The following CUX1 variants were observed in gnomAD, a reference collection of about 807,000 sequenced individuals.
The protein encoded by CUX1 is protein CASP.
In CUX1, 31 loss-of-function variants were observed where a neutral mutation model predicts 158.8. That is an observed-to-expected ratio of 0.20 (90% CI 0.15 to 0.26). The LOEUF is 0.26. Among genes scored for constraint, CUX1 ranks in the 10% least tolerant of loss-of-function variants. The probability of loss-of-function intolerance (pLI) is 1.00; values close to 1 mark genes in which losing one functional copy is unlikely to be tolerated. For synonymous variants in CUX1, 879 were observed against 862.1 expected (o/e 1.02, Z -0.34); for missense variants, 1,589 against 2,014.6 (o/e 0.79, Z 4.04).
chr7:101,948,374 TCC>T lies in CUX1; in HGVS notation c.141+32150_141+32151del, dbSNP rs934194941. On this transcript the variant is annotated intron_variant, in intron 2 of 23. Coordinates refer to ENST00000292535, the MANE Select transcript of CUX1 (RefSeq NM_181552.4). ...ACTGTCTGCTCTGATGGAGTGAGAATCCATTCCCTCTGTGCCCTAGATCCACT... is the reference window on the plus strand; with the variant it reads ...ACTGTCTGCTCTGATGGAGTGAGAATATTCCCTCTGTGCCCTAGATCCACT... Among the ~76,000 whole-genome samples, 28 of 152,206 alleles carry T rather than the reference TCC, an allele frequency of 1.8e-4. 1 individual carries two copies. The highest frequency in any genetic ancestry group is 1.8e-3 in the Admixed American group (27 of 15,286).
At chr7:102,282,914 C>CCTACTCCCGGTATCCA in intron 22 of CUX1, 1 of 891,246 alleles carries the variant, frequency 1.1e-6, no homozygotes, top group Non-Finnish European at 1.8e-6. Flanking sequence ...TCCCCCTACC[C>CCTACTCCCGGTATCCA]CTACTCCCGG....
At chr7:102,174,924 T>G (rs1792141014) in intron 10 of CUX1, among the ~76,000 whole-genome samples, 1 of 152,146 alleles carries the variant, frequency 6.6e-6, no homozygotes, top group Admixed American at 6.5e-5. Context: ...CACTCCAGCC[T>G]GGGTGACAGA....
intron 1 of CUX1, among the ~76,000 whole-genome samples, chr7:101,877,662 G>T (rs1450048150): frequency 6.6e-6 from 1 of 152,118 alleles, no homozygotes; most frequent in East Asian, 1.9e-4. Flanking sequence ...ACTCCAGCCT[G>T]GGTGACAGAA....
chr7:102,281,900 C>T, exon 21 of CUX1: 2 of 1,612,722 alleles, frequency 1.2e-6, no homozygotes, highest in African/African-American at 1.3e-5. Flanking sequence ...CACACTGTTC[C>T]TGCACTGCCT....
intron 2 of CUX1, among the ~76,000 whole-genome samples, chr7:101,921,461 T>TTTATTTATTTAC (rs1804933522): frequency 2.6e-5 from 4 of 151,908 alleles, no homozygotes; most frequent in Non-Finnish European, 5.9e-5. Context: ...TATTTATTTA[T>TTTATTTATTTAC]TTATTTACTT....
At chr7:101,980,968 G>A (rs947321853) in intron 2 of CUX1, among the ~76,000 whole-genome samples, 16 of 152,234 alleles carry the variant, frequency 1.1e-4, no homozygotes, top group Middle Eastern at 3.4e-3. Flanking sequence ...CACATGCTGC[G>A]TCTTTGGAAA....
At chr7:101,839,068 A>G (rs1794930225) in intron 1 of CUX1, among the ~76,000 whole-genome samples, 1 of 152,136 alleles carries the variant, frequency 6.6e-6, no homozygotes, top group Non-Finnish European at 1.5e-5. Context: ...GCTCTCTGGT[A>G]TCTCTTGTTT....
intron 2 of CUX1, among the ~76,000 whole-genome samples, chr7:101,982,992 T>A (rs898550090): frequency 1.3e-5 from 2 of 150,522 alleles, no homozygotes; most frequent in East Asian, 2.0e-4. Flanking sequence ...TCTAAGCGCT[T>A]TGTGAGTGTC....
intron 3 of CUX1, among the ~76,000 whole-genome samples, chr7:102,061,694 G>C (rs377508478): frequency 6.6e-6 from 1 of 152,322 alleles, no homozygotes; most frequent in East Asian, 1.9e-4. Context: ...GCATGGCCAG[G>C]CCCCTGTGGT....
At chr7:102,155,745 A>G (rs1263851966) in intron 8 of CUX1, among the ~76,000 whole-genome samples, 1 of 152,058 alleles carries the variant, frequency 6.6e-6, no homozygotes, top group Non-Finnish European at 1.5e-5. Flanking sequence ...TTTAATTACC[A>G]TTTGTAGTAT....
Position 101,844,425 on chromosome 7 carries a change from A to G in CUX1, c.30+26756A>G, listed in dbSNP as rs534164960. ...CATATTTAAGTGATACATTAGCTGG[A>G]TGTAAAATTGTAGGTCAAAATTCTT... On this transcript the variant is annotated intron_variant, in intron 1 of 23. Coordinates refer to ENST00000292535, the MANE Select transcript of CUX1 (RefSeq NM_181552.4). Among the ~76,000 whole-genome samples, 308 of 152,246 alleles carry G rather than the reference A, an allele frequency of 2.0e-3. 3 individuals are homozygous for G. The highest frequency in any genetic ancestry group is 7.0e-3 in the African/African-American group (291 of 41,538).
At chr7:102,216,619 C>CCACACA (rs138340390) in intron 20 of CUX1, among the ~76,000 whole-genome samples, 1 of 73,932 alleles carries the variant, frequency 1.4e-5, no homozygotes, top group African/African-American at 5.4e-5. Flanking sequence ...CACACACTCC[C>CCACACA]CACACACACA....
intron 1 of CUX1, among the ~76,000 whole-genome samples, chr7:101,888,664 A>G: frequency 6.6e-6 from 1 of 152,174 alleles, no homozygotes; most frequent in African/African-American, 2.4e-5. Flanking sequence ...ATCTCAGCTC[A>G]CTGCAGCCCC....
intron 3 of CUX1, among the ~76,000 whole-genome samples, chr7:102,040,905 C>G (rs1184644168): frequency 1.3e-5 from 2 of 152,170 alleles, no homozygotes; most frequent in East Asian, 3.9e-4. Context: ...AGCTCTGAAA[C>G]CTCATGAGAC....
chr7:102,278,404 A>AT (rs1791764877), intron 18 of CUX1, among the ~76,000 whole-genome samples: 1 of 152,012 alleles, frequency 6.6e-6, no homozygotes, highest in African/African-American at 2.4e-5. Flanking sequence ...AGCCTGGCCA[A>AT]TATGGTGAAA....
intron 1 of CUX1, among the ~76,000 whole-genome samples, chr7:101,908,621 T>C (rs1448207758): frequency 6.6e-6 from 1 of 152,154 alleles, no homozygotes; most frequent in South Asian, 2.1e-4. Flanking sequence ...AATTTCTCCC[T>C]TTTCTAAGCC....
At chr7:102,050,539 GT>G (rs1451078363) in intron 3 of CUX1, among the ~76,000 whole-genome samples, 2 of 152,094 alleles carry the variant, frequency 1.3e-5, no homozygotes, top group Non-Finnish European at 2.9e-5. Flanking sequence ...CCCACTGTGG[GT>G]ACCTCGCTAA....
chr7:102,037,644 G>A (rs986225981), intron 3 of CUX1, among the ~76,000 whole-genome samples: 1 of 149,914 alleles, frequency 6.7e-6, no homozygotes, highest in African/African-American at 2.5e-5. Context: ...GAGCCACCAC[G>A]CCCGGCCCTG....
At chr7:102,227,243 GA>G in intron 20 of CUX1, 123 bp from the exon 21 acceptor site, 1 of 835,204 alleles carries the variant, frequency 1.2e-6, no homozygotes, top group South Asian at 1.7e-5. Flanking sequence ...AAGACCCACA[GA>G]AAACCCTACC....
Sources: gnomAD v4.1 joint callset for allele counts (sites outside exome capture counted in the v4.1 genomes callset) on GRCh38, gnomAD v4.1.1 for gene constraint, MANE v1.5 for transcripts, NCBI Gene and HGNC (gene_info 2026-07-23, HGNC 2026-07-21) for gene names.